Variants in ZC3H12B observed in about 807,000 individuals in gnomAD.
The protein encoded by ZC3H12B is zinc finger CCCH-type containing 12B, also known as probable ribonuclease ZC3H12B.
ZC3H12B carries 7 observed loss-of-function variants against 43.9 expected under a neutral mutation model. The observed-to-expected ratio is 0.16, with a 90% CI of 0.09 to 0.30. The LOEUF (loss-of-function observed/expected upper bound fraction) is 0.30. Among genes scored for constraint, ZC3H12B ranks in the 10% least tolerant of loss-of-function variants. The pLI, the probability that ZC3H12B is intolerant of heterozygous loss-of-function variation, is 1.00. For missense variants in ZC3H12B, 475 were observed against 670.2 expected, an observed-to-expected ratio of 0.71 and a Z score of 3.22; for synonymous variants, 222 against 241.7, an observed-to-expected ratio of 0.92 and a Z score of 0.76.
the ZC3H12B span, among the ~76,000 whole-genome samples, chrX:65,306,621 C>G: frequency 9.0e-6 from 1 of 111,576 alleles, no homozygotes; most frequent in Non-Finnish European, 1.9e-5. Context: ...GCAATCCACC[C>G]GCCTCGGCCT....
chrX:65,171,914 A>G, the ZC3H12B span, among the ~76,000 whole-genome samples: 26,515 of 110,577 alleles, frequency 0.24, 7,707 homozygotes, highest in African/African-American at 0.83. Context: ...GGGTGGGAAT[A>G]TCCCAATTTT....
chrX:65,433,804 G>C (rs2067190109), intron 3 of ZC3H12B, among the ~76,000 whole-genome samples: 1 of 111,832 alleles, frequency 8.9e-6, no homozygotes, highest in Admixed American at 9.5e-5. Flanking sequence ...TTCATCATGA[G>C]GAGCTGGCCT....
At chrX:65,297,324 C>A in the ZC3H12B span, among the ~76,000 whole-genome samples, 1 of 110,458 alleles carries the variant, frequency 9.1e-6, no homozygotes, top group Non-Finnish European at 1.9e-5. Flanking sequence ...ATCAATGTAC[C>A]TGAATCAGTA....
chrX:65,323,160 T>C, the ZC3H12B span, among the ~76,000 whole-genome samples: 14 of 112,494 alleles, frequency 1.2e-4, no homozygotes, highest in African/African-American at 4.2e-4. Context: ...CTGATAACTC[T>C]GGCAAGGACT....
chrX:65,352,606 C>G, the ZC3H12B span, among the ~76,000 whole-genome samples: 1 of 111,690 alleles, frequency 9.0e-6, no homozygotes, highest in East Asian at 2.8e-4. Flanking sequence ...CTAAAACTCA[C>G]TAAGCTTTAT....
chrX:65,470,635 C>T (rs1312268656), intron 3 of ZC3H12B, among the ~76,000 whole-genome samples: 1 of 111,175 alleles, frequency 9.0e-6, no homozygotes, highest in Non-Finnish European at 1.9e-5. Context: ...ACAAGAGGGG[C>T]TTGAAGTACC....
chrX:65,392,752 A>T (rs928031757), intron 2 of ZC3H12B, among the ~76,000 whole-genome samples: 1 of 113,370 alleles, frequency 8.8e-6, no homozygotes, highest in African/African-American at 3.2e-5. Flanking sequence ...GGTGTACCCA[A>T]CAGCTCATTG....
chrX:65,321,723 T>G, the ZC3H12B span, among the ~76,000 whole-genome samples: 6 of 102,575 alleles, frequency 5.8e-5, no homozygotes, highest in Admixed American at 2.1e-4. Flanking sequence ...TAGAAGAGAG[T>G]GAGAACATGT....
chrX:65,228,299 T>A, the ZC3H12B span, among the ~76,000 whole-genome samples: 3 of 111,837 alleles, frequency 2.7e-5, no homozygotes, highest in African/African-American at 6.5e-5. Context: ...GTTATCTCAA[T>A]AGATGCAGAA....
chrX:65,183,002 C>T, the ZC3H12B span, among the ~76,000 whole-genome samples: 2 of 111,789 alleles, frequency 1.8e-5, no homozygotes, highest in Non-Finnish European at 3.8e-5. Flanking sequence ...GCCATTGTGG[C>T]ATGCAGTTTG....
chrX:65,299,536 G>T, the ZC3H12B span, among the ~76,000 whole-genome samples: 3 of 112,275 alleles, frequency 2.7e-5, no homozygotes, highest in Non-Finnish European at 5.6e-5. Context: ...GACAGAAAGA[G>T]GGGAGGTTCC....
chrX:65,442,448 AT>A (rs1476271039), intron 3 of ZC3H12B, among the ~76,000 whole-genome samples: 1 of 110,898 alleles, frequency 9.0e-6, no homozygotes, highest in Non-Finnish European at 1.9e-5. Flanking sequence ...CCAAGCTCTA[AT>A]GCTCACTCCT....
chrX:65,331,012 C>A, the ZC3H12B span: 2 of 333,046 alleles, frequency 6.0e-6, no homozygotes, highest in East Asian at 8.3e-5. Context: ...GACTTTTTGA[C>A]GTTCTGTTTC....
At chrX:65,233,602 TA>T in the ZC3H12B span, among the ~76,000 whole-genome samples, 1 of 108,323 alleles carries the variant, frequency 9.2e-6, no homozygotes, top group Non-Finnish European at 1.9e-5. Flanking sequence ...GAAAAAGCAG[TA>T]CTAAGACGGA....
chrX:65,295,603 G>A, the ZC3H12B span, among the ~76,000 whole-genome samples: 2 of 110,837 alleles, frequency 1.8e-5, no homozygotes, highest in Non-Finnish European at 1.9e-5. Flanking sequence ...AAGGACAAAA[G>A]ATAAAACAAA....
Position 65,403,105 on chromosome X carries a change from T to A in ZC3H12B, n.407+4401T>A, listed in dbSNP as rs762103632. Among the ~76,000 whole-genome samples the A allele has an allele frequency of 1.1e-3, 128 of 111,973 alleles. 2 individuals are homozygous for A. Among genetic ancestry groups the A allele is most frequent in the African/African-American group, 4.0e-3 (123 of 30,881 alleles). On this transcript the variant is annotated intron_variant and non_coding_transcript_variant, in intron 3 of 5. Transcript: ENST00000617377. The stretch of plus-strand genomic sequence containing the variant: ...TAACACAGAGAAGAAATTCAGAATT[T>A]TATCAGATTAATTTTTCAGAGATTG...
At chrX:65,230,938 G>C in the ZC3H12B span, among the ~76,000 whole-genome samples, 1 of 112,152 alleles carries the variant, frequency 8.9e-6, no homozygotes, top group Non-Finnish European at 1.9e-5. Context: ...TTAGTATGAA[G>C]ACTTAAGGAT....
chrX:65,039,125 C>G, the ZC3H12B span, among the ~76,000 whole-genome samples: 2 of 111,425 alleles, frequency 1.8e-5, no homozygotes, highest in Admixed American at 1.9e-4. Context: ...AATCAAACAC[C>G]TTCATATATA....
At chrX:65,127,112 C>A in the ZC3H12B span, among the ~76,000 whole-genome samples, 1 of 111,142 alleles carries the variant, frequency 9.0e-6, no homozygotes, top group Non-Finnish European at 1.9e-5. Flanking sequence ...TTTCTGGTCC[C>A]TTCTGATTTG....
Sources: gnomAD v4.1 joint callset for allele counts (sites outside exome capture counted in the v4.1 genomes callset) on GRCh38, gnomAD v4.1.1 for gene constraint, MANE v1.5 for transcripts, NCBI Gene and HGNC (gene_info 2026-07-23, HGNC 2026-07-21) for gene names.